The following KLF17 variants were observed in gnomAD, a reference collection of about 807,000 sequenced individuals.
KLF17 encodes Krueppel-like factor 17.
In KLF17, 31 loss-of-function variants were observed where a neutral mutation model predicts 34.2. That is an observed-to-expected ratio of 0.91 (90% CI 0.68 to 1.22). The LOEUF (loss-of-function observed/expected upper bound fraction) is 1.22. KLF17 is among the 50% of genes most tolerant of loss of function. KLF17 has a pLI of 0.00. For synonymous variants in KLF17, 179 were observed against 186.7 expected, an observed-to-expected ratio of 0.96 and a Z score of 0.34; for missense variants, 478 against 505.2, an observed-to-expected ratio of 0.95 and a Z score of 0.52.
the KLF17 span, among the ~76,000 whole-genome samples, chr1:44,059,598 T>C: frequency 6.6e-6 from 1 of 151,932 alleles, no homozygotes; most frequent in Non-Finnish European, 1.5e-5. Flanking sequence ...AATACCCAAA[T>C]CCCTATTTGT....
the KLF17 span, chr1:44,103,829 C>T: frequency 7.7e-5 from 62 of 801,380 alleles, no homozygotes; most frequent in Non-Finnish European, 1.1e-4. Flanking sequence ...CAGCCTGGAG[C>T]CCACTGATGT....
chr1:44,126,669 G>A (rs980719264), intron 1 of KLF17, among the ~76,000 whole-genome samples: 4 of 152,058 alleles, frequency 2.6e-5, no homozygotes, highest in Admixed American at 6.6e-5. Context: ...GGCACGAAAT[G>A]TACCAGTCTC....
At chr1:44,111,052 C>T in the KLF17 span, among the ~76,000 whole-genome samples, 14 of 152,126 alleles carry the variant, frequency 9.2e-5, no homozygotes, top group Middle Eastern at 3.2e-3. Flanking sequence ...AGTGGTGTGA[C>T]CATGGCTCAC....
the KLF17 span, among the ~76,000 whole-genome samples, chr1:44,060,091 G>A: frequency 6.6e-6 from 1 of 152,108 alleles, no homozygotes; most frequent in African/African-American, 2.4e-5. Context: ...TTGTGGCCAT[G>A]AGTGGGAAGA....
the KLF17 span, among the ~76,000 whole-genome samples, chr1:44,100,229 G>T: frequency 6.8e-6 from 1 of 147,706 alleles, no homozygotes; most frequent in Admixed American, 6.9e-5. Context: ...CTGAACTCTA[G>T]CCTGGGTAAC....
At chr1:44,074,952 A>G in the KLF17 span, 1 of 152,210 alleles carries the variant, frequency 6.6e-6, no homozygotes, top group Non-Finnish European at 1.5e-5. Context: ...GGCTTCTCGC[A>G]TTGCTCACCA....
At chr1:44,116,817 T>TCTAA (rs1341951195), upstream of KLF17, among the ~76,000 whole-genome samples, 1 of 152,208 alleles carries the variant, frequency 6.6e-6, no homozygotes, top group Non-Finnish European at 1.5e-5. Context: ...CTAATGGCCT[T>TCTAA]CTAACTACCA....
chr1:44,095,210 C>CG, the KLF17 span, among the ~76,000 whole-genome samples: 2 of 119,332 alleles, frequency 1.7e-5, no homozygotes, highest in African/African-American at 6.4e-5. Context: ...CTATTTATAT[C>CG]TTTTTTTTTT....
At chr1:44,080,862 G>T in the KLF17 span, among the ~76,000 whole-genome samples, 1 of 151,280 alleles carries the variant, frequency 6.6e-6, no homozygotes, top group South Asian at 2.1e-4. Context: ...CTATAGGCAT[G>T]TGCCACCATG....
the KLF17 span, among the ~76,000 whole-genome samples, chr1:44,112,836 CTT>C: frequency 5.9e-5 from 9 of 152,198 alleles, no homozygotes; most frequent in Non-Finnish European, 1.5e-5. Context: ...ATGAAAGAGA[CTT>C]ATGTTCATGT....
chr1:44,061,072 T>A, the KLF17 span: 2 of 152,258 alleles, frequency 1.3e-5, no homozygotes, highest in Non-Finnish European at 2.9e-5. Context: ...TTGTTATTAC[T>A]AATCTTTGGC....
the KLF17 span, among the ~76,000 whole-genome samples, chr1:44,096,005 A>C: frequency 1.3e-5 from 2 of 151,050 alleles, no homozygotes; most frequent in African/African-American, 4.9e-5. Context: ...GCAGTGGCCC[A>C]ATCTTGGCTC....
intron 1 of KLF17, among the ~76,000 whole-genome samples, chr1:44,129,051 C>T (rs1331103908): frequency 1.3e-5 from 2 of 151,718 alleles, no homozygotes; most frequent in African/African-American, 4.9e-5. Context: ...TGAACATTTT[C>T]TCAGTTTTGC....
intron 1 of KLF17, chr1:44,122,026 T>C: frequency 2.9e-6 from 2 of 687,500 alleles, no homozygotes; most frequent in Non-Finnish European, 5.0e-6. Flanking sequence ...TTCCTTTTCC[T>C]TTATGTCTTT....
the KLF17 span, among the ~76,000 whole-genome samples, chr1:44,100,063 C>A: frequency 3.7e-5 from 5 of 136,056 alleles, no homozygotes; most frequent in Admixed American, 4.0e-4. Context: ...TGGTGAAACC[C>A]CGTCTCTACT....
At chr1:44,080,455 G>T in the KLF17 span, among the ~76,000 whole-genome samples, 1 of 151,268 alleles carries the variant, frequency 6.6e-6, no homozygotes, top group Non-Finnish European at 1.5e-5. Flanking sequence ...AGCCAGTATG[G>T]TCTCCATCTC....
chr1:44,127,636 TTCC>T (rs71036665), intron 1 of KLF17, among the ~76,000 whole-genome samples: 46,419 of 94,562 alleles, frequency 0.49, 9,725 homozygotes, highest in East Asian at 0.58. Context: ...TTTCTTTTCT[TTCC>T]TTCTTTCTTT....
At chr1:44,053,922 A>C in the KLF17 span, among the ~76,000 whole-genome samples, 1 of 152,214 alleles carries the variant, frequency 6.6e-6, no homozygotes, top group African/African-American at 2.4e-5. Context: ...ATCGTGTGGG[A>C]GGAGATGCAA....
chr1:44,110,714 AT>A, the KLF17 span: 1 of 152,148 alleles, frequency 6.6e-6, no homozygotes, highest in African/African-American at 2.4e-5. Flanking sequence ...AAATAAGTAA[AT>A]AAATAAATAA....
Sources: gnomAD v4.1 joint callset for allele counts (sites outside exome capture counted in the v4.1 genomes callset) on GRCh38, gnomAD v4.1.1 for gene constraint, MANE v1.5 for transcripts, NCBI Gene and HGNC (gene_info 2026-07-23, HGNC 2026-07-21) for gene names.